Variants in ADGRB1 observed in about 807,000 individuals in gnomAD.
The protein encoded by ADGRB1 is adhesion G protein-coupled receptor B1.
In ADGRB1, 36 loss-of-function variants were observed where a neutral mutation model predicts 175.7. That is an observed-to-expected ratio of 0.20 (90% CI 0.16 to 0.27). The LOEUF (loss-of-function observed/expected upper bound fraction) is 0.27, where lower values mean the gene tolerates loss of function less well. Among genes scored for constraint, ADGRB1 ranks in the 10% least tolerant of loss-of-function variants. The pLI, the probability that ADGRB1 is intolerant of heterozygous loss-of-function variation, is 1.00. For synonymous variants in ADGRB1, 1,054 were observed against 979.4 expected (o/e 1.08, Z -1.42); for missense variants, 1,731 against 2,255.3 (o/e 0.77, Z 4.71).
chr8:142,528,946 C>T (rs1164835657), intron 24 of ADGRB1, among the ~76,000 whole-genome samples: 1 of 152,192 alleles, frequency 6.6e-6, no homozygotes, highest in Non-Finnish European at 1.5e-5. Flanking sequence ...GTGGTCAGTC[C>T]TGTCCCTCTG....
intron 4 of ADGRB1, 113 bp from the exon 5 acceptor site, chr8:142,477,001 C>T (rs1473440301): frequency 7.3e-7 from 1 of 1,373,762 alleles, no homozygotes; most frequent in Non-Finnish European, 9.5e-7. Context: ...GGGCTCTGCC[C>T]CAGCCCCGCT....
rs1227484630 is a variant in ADGRB1, at chr8:142,490,827, T to G, written c.2675+12T>G. 6.3e-7 allele frequency: 1 copy of G among 1,575,740 alleles called. No individual in the cohort carries two copies. Reference sequence around the variant, plus strand: ...GATGAGACGGATGTGTAAGTTCACTTGGATTTCATGGCCGTGGGGGTCTGG... The same window carrying G: ...GATGAGACGGATGTGTAAGTTCACTGGGATTTCATGGCCGTGGGGGTCTGG... On this transcript the variant is annotated intron_variant, in intron 17 of 30. Transcript: ENST00000517894.
intron 18 of ADGRB1, among the ~76,000 whole-genome samples, chr8:142,515,963 G>A (rs961962796): frequency 1.3e-5 from 2 of 152,234 alleles, no homozygotes; most frequent in Admixed American, 1.3e-4. Flanking sequence ...GTAGTTCGAG[G>A]GGCCTGTGTG....
In ADGRB1 at chr8:142,500,396, C is replaced by A. The variant is rs75915464; in HGVS notation, c.2675+9581C>A. 1.5e-3 allele frequency among the ~76,000 whole-genome samples: 159 copies of A among 104,924 alleles called. 17 individuals carry two copies. Among genetic ancestry groups the A allele is most frequent in the African/African-American group, 7.4e-3 (128 of 17,262 alleles). The allele number at this position is 104,924 out of a possible 152,430, so 68.8% of individuals were successfully genotyped here. On this transcript the variant is annotated intron_variant, in intron 17 of 30. Coordinates refer to ENST00000517894, the MANE Select transcript of ADGRB1 (RefSeq NM_001702.3). ...CCCCTGCCCCCCGCGCCGCTCCTCC[C>A]CCGCCCCCTACACCGCTCCTCCACC...
At chr8:142,461,392 C>T (rs775533176) in intron 1 of ADGRB1, among the ~76,000 whole-genome samples, 1 of 152,214 alleles carries the variant, frequency 6.6e-6, no homozygotes, top group African/African-American at 2.4e-5. Flanking sequence ...TGGAGCCTGT[C>T]CTGGGACACC....
chr8:142,509,867 G>T (rs934384779), intron 17 of ADGRB1, among the ~76,000 whole-genome samples: 4 of 152,194 alleles, frequency 2.6e-5, no homozygotes, highest in African/African-American at 9.7e-5. Context: ...TCCTCCACCA[G>T]GCAGGCCCAG....
At position 142,477,274 on chromosome 8, in the gene ADGRB1, C is replaced by A; in HGVS notation, c.1218C>A (p.Cys406Ter). 1 of 1,555,606 alleles carries A rather than the reference C, an allele frequency of 6.4e-7. No homozygotes were observed. ...EQRLCNNSAV[C>*]PVHGAWDEWS... ...GGCTGTGCAACAACTCTGCCGTGTG[C>A]CCAGGTGGGTGGGACCTTGGGCTGG... Residue 406 changes from cysteine to a stop codon, truncating the protein, a stop_gained, in exon 5 of 31, where the codon TGC becomes TGA. Transcript: ENST00000517894. LOFTEE classifies it high-confidence loss of function.
intron 17 of ADGRB1, among the ~76,000 whole-genome samples, chr8:142,500,600 C>T (rs1587355126): frequency 6.6e-6 from 1 of 152,012 alleles, no homozygotes; most frequent in East Asian, 2.0e-4. Context: ...TCATTTAAGG[C>T]AGCAGAAAAG....
At chr8:142,482,860 C>G (rs1841435978) in intron 11 of ADGRB1, among the ~76,000 whole-genome samples, 1 of 150,658 alleles carries the variant, frequency 6.6e-6, no homozygotes, top group Non-Finnish European at 1.5e-5. Context: ...GCACTGAGCC[C>G]CAACCCTGGT....
In ADGRB1 at chr8:142,542,092, G is replaced by A. The variant is rs1309461767; in HGVS notation, c.3858G>A (p.Leu1286=). The change falls in exon 28 of 31, where the codon CTG becomes CTA. Residue 1286 remains leucine (L), a synonymous_variant. Transcript: ENST00000517894. The surrounding 1 kb of genome is among the most constrained non-coding windows in gnomAD (Gnocchi z 6.3). Reference sequence around the variant, plus strand: ...GCCTGCCGGCCAACGTGTCCAAGCTGCACCTGCACGGCTCACCCCGCTATC... The same window carrying A: ...GCCTGCCGGCCAACGTGTCCAAGCTACACCTGCACGGCTCACCCCGCTATC... ...FNSLPANVSK[L]HLHGSPRYPG... is the part of the protein sequence containing the mutation. 6.2e-7 allele frequency: 1 copy of A among 1,613,156 alleles called. No individual in the cohort carries two copies. Among genetic ancestry groups the A allele is most frequent in the Non-Finnish European group, 8.5e-7 (1 of 1,179,810 alleles).
intron 18 of ADGRB1, among the ~76,000 whole-genome samples, chr8:142,513,496 C>T (rs1369162252): frequency 6.6e-6 from 1 of 152,186 alleles, no homozygotes; most frequent in Non-Finnish European, 1.5e-5. Flanking sequence ...AGGGAGACTG[C>T]TCTCTGGGTG....
intron 17 of ADGRB1, among the ~76,000 whole-genome samples, 181 bp downstream of exon 17, chr8:142,490,996 C>A (rs1240623659): frequency 6.6e-6 from 1 of 152,172 alleles, no homozygotes; most frequent in Non-Finnish European, 1.5e-5. Flanking sequence ...GCCCACCAGG[C>A]CGCCTCCCAC....
At position 142,501,176 on chromosome 8, in the gene ADGRB1, G is replaced by A. The variant is rs79420906; in HGVS notation, c.2676-9756G>A. Among the ~76,000 whole-genome samples, 175 of 152,328 alleles carry A rather than the reference G, an allele frequency of 1.1e-3. 3 individuals carry two copies. The East Asian group carries it at 0.024, about 21-fold the overall frequency. ...GTGACGCTGGTGACCATGGGTGACC[G>A]GTGGTCATTGTGATGACTGTGAAGG... On this transcript the variant is annotated intron_variant, in intron 17 of 30. Coordinates refer to ENST00000517894, the MANE Select transcript of ADGRB1 (RefSeq NM_001702.3).
chr8:142,526,663 G>C (rs994521656), intron 24 of ADGRB1, 36 bp downstream of exon 24: 2 of 1,582,142 alleles, frequency 1.3e-6, no homozygotes, highest in African/African-American at 1.3e-5. Context: ...TGCCCACCCG[G>C]AGTGCAAGAC....
intron 2 of ADGRB1, among the ~76,000 whole-genome samples, chr8:142,469,878 T>C (rs1840555151): frequency 1.3e-5 from 2 of 151,900 alleles, no homozygotes; most frequent in Non-Finnish European, 2.9e-5. Context: ...AGAGGCAGAG[T>C]TGACCCCAGA....
chr8:142,526,593 G>T lies in ADGRB1; in HGVS notation c.3364G>T (p.Gly1122Cys), dbSNP rs775694036. Residue 1122 changes from glycine (G) to cysteine (C), a missense_variant, in exon 24 of 31, where the codon GGC (glycine) becomes TGC (cysteine). Around this residue, in one of 8 missense-constraint regions of ADGRB1, gnomAD observed 301 missense variants for 488.4 expected, o/e 0.62. Coordinates refer to ENST00000517894, the MANE Select transcript of ADGRB1 (RefSeq NM_001702.3). ...LVFNKLVSKD[G>C]ITDKKLKERA... ...GTTCAACAAGCTCGTGTCCAAAGAC[G>T]GCATCACGGACAAGAAGCTGAAGGA... 6.3e-7 allele frequency: 1 copy of T among 1,590,732 alleles called. No homozygotes were observed. The highest frequency in any genetic ancestry group is 1.7e-5 in the Admixed American group (1 of 58,974).
chr8:142,544,578 G>A lies in ADGRB1; in HGVS notation c.*161G>A. On this transcript the variant is annotated 3_prime_UTR_variant, in exon 31 of 31. Transcript: ENST00000517894. ...GCCAGGCACAGGGCCCGCAGTGCTG[G>A]GACCAGAGCCAGATGCAGGACAGGA... is the stretch of plus-strand genomic sequence containing the variant. 1 of 849,260 alleles carries A rather than the reference G, an allele frequency of 1.2e-6. No homozygotes were observed. The highest frequency in any genetic ancestry group is 1.6e-6 in the Non-Finnish European group (1 of 608,424). 52.6% of individuals were successfully genotyped at this position (849,260 alleles called of 1,614,324 possible).
intron 2 of ADGRB1, among the ~76,000 whole-genome samples, chr8:142,465,883 G>A (rs1840250374): frequency 6.6e-6 from 1 of 152,176 alleles, no homozygotes; most frequent in Non-Finnish European, 1.5e-5. Context: ...AGAGGGGCAG[G>A]GGCCAGTCCT....
intron 18 of ADGRB1, 21 bp from the exon 19 acceptor site, chr8:142,518,117 G>T: frequency 6.2e-7 from 1 of 1,612,116 alleles, no homozygotes; most frequent in South Asian, 1.1e-5. Flanking sequence ...ACTCCCTGCG[G>T]TCTCTTCCCG....
Sources: gnomAD v4.1 joint callset for allele counts (sites outside exome capture counted in the v4.1 genomes callset) on GRCh38, gnomAD v4.1.1 for gene constraint, gnomAD v4.1.1 regional missense constraint, Gnocchi (gnomAD v3.1) non-coding constraint, MANE v1.5 for transcripts, NCBI Gene and HGNC (gene_info 2026-07-23, HGNC 2026-07-21) for gene names.